The following SGCD variants were observed in gnomAD, a reference collection of about 807,000 sequenced individuals.
The protein encoded by SGCD is sarcoglycan delta.
In SGCD, 18 loss-of-function variants were observed where a neutral mutation model predicts 36.6. The observed-to-expected ratio is 0.49, with a 90% CI of 0.34 to 0.73. The LOEUF (loss-of-function observed/expected upper bound fraction) is 0.73. Among genes scored for constraint, SGCD ranks in the 30% least tolerant of loss-of-function variants. SGCD has a pLI of 0.01. For missense variants in SGCD, 387 were observed against 346.7 expected (o/e 1.12, Z -0.92); for synonymous variants, 133 against 130.6 (o/e 1.02, Z -0.12).
chr5:156,742,453 A>G (rs1481369964), intron 7 of SGCD, among the ~76,000 whole-genome samples: 1 of 152,106 alleles, frequency 6.6e-6, no homozygotes, highest in Non-Finnish European at 1.5e-5. Context: ...AAAATCTACA[A>G]CACTAGAAAT....
chr5:156,600,633 C>T (rs1243674926), intron 6 of SGCD, among the ~76,000 whole-genome samples: 1 of 152,090 alleles, frequency 6.6e-6, no homozygotes, highest in South Asian at 2.1e-4. Flanking sequence ...CTGCAGTAAA[C>T]GTGGAACTTA....
intron 3 of SGCD, among the ~76,000 whole-genome samples, chr5:156,475,230 G>T (rs924850290): frequency 1.3e-5 from 2 of 151,918 alleles, no homozygotes; most frequent in African/African-American, 4.8e-5. Context: ...TCCATTACAG[G>T]GTCTCTCCCA....
At position 156,720,640 on chromosome 5, in the gene SGCD, G is replaced by A. The variant is rs536290286; in HGVS notation, c.576-36941G>A. 3.0e-3 allele frequency among the ~76,000 whole-genome samples: 459 copies of A among 152,290 alleles called. 6 individuals carry two copies. The highest frequency in any genetic ancestry group is 0.01 in the Middle Eastern group (3 of 294). On this transcript the variant is annotated intron_variant, in intron 7 of 8. Transcript: ENST00000337851. ...CTACCACCTGTGGGTTTTGAGCAAA[G>A]GCCTGAAATCAGGGTCATGAAGAAT...
intron 4 of SGCD, among the ~76,000 whole-genome samples, chr5:156,545,116 A>G (rs1449161839): frequency 6.6e-6 from 1 of 152,026 alleles, no homozygotes; most frequent in Non-Finnish European, 1.5e-5. Flanking sequence ...CTAGGTAGTG[A>G]CTTTTTTTGT....
intron 4 of SGCD, among the ~76,000 whole-genome samples, chr5:156,580,201 G>C (rs1166287027): frequency 1.3e-5 from 2 of 152,114 alleles, no homozygotes; most frequent in African/African-American, 2.4e-5. Context: ...ATGAAATTCT[G>C]GGTTGAAAAC....
At chr5:156,101,941 T>TGTGTGA (rs1218348339) in intron 1 of SGCD, among the ~76,000 whole-genome samples, 9 of 138,264 alleles carry the variant, frequency 6.5e-5, no homozygotes, top group African/African-American at 1.1e-4. Flanking sequence ...TGTGTGTGTG[T>TGTGTGA]GAGAGAGAGA....
At position 156,346,743 on chromosome 5, in the gene SGCD, T is replaced by C. The variant is rs375672977; in HGVS notation, c.192+2066T>C. On this transcript the variant is annotated intron_variant, in intron 3 of 8. Coordinates refer to ENST00000337851, the MANE Select transcript of SGCD (RefSeq NM_000337.6). Reference sequence around the variant, plus strand: ...GAGCACATTAGCTTCCATTTCTGAATTAGACTCAATCAATACTTCTCAACT... The same window carrying C: ...GAGCACATTAGCTTCCATTTCTGAACTAGACTCAATCAATACTTCTCAACT... 7.9e-5 allele frequency among the ~76,000 whole-genome samples: 12 copies of C among 152,270 alleles called. 1 individual carries two copies. In the East Asian group the frequency reaches 2.3e-3, roughly 29 times the overall value.
chr5:155,845,789 A>G, the SGCD span, among the ~76,000 whole-genome samples: 2 of 152,130 alleles, frequency 1.3e-5, no homozygotes, highest in African/African-American at 4.8e-5. Flanking sequence ...AAACTAATTC[A>G]TTATCTGTAA....
intron 7 of SGCD, among the ~76,000 whole-genome samples, chr5:156,753,126 A>C (rs1389978994): frequency 6.6e-6 from 1 of 152,190 alleles, no homozygotes; most frequent in Non-Finnish European, 1.5e-5. Context: ...TTACTGAATC[A>C]GTAACTCTAG....
At chr5:156,350,087 A>G (rs1193407230) in intron 3 of SGCD, among the ~76,000 whole-genome samples, 1 of 151,084 alleles carries the variant, frequency 6.6e-6, no homozygotes, top group South Asian at 2.1e-4. Context: ...TCAGAAGAGG[A>G]GAGGGTGGGA....
At chr5:156,417,932 A>G (rs1356729071) in intron 3 of SGCD, among the ~76,000 whole-genome samples, 3 of 152,170 alleles carry the variant, frequency 2.0e-5, no homozygotes, top group African/African-American at 7.2e-5. Flanking sequence ...AAATGTTTCT[A>G]GTTTTCTCCC....
At chr5:156,290,751 CT>C (rs914309611) in intron 3 of SGCD, among the ~76,000 whole-genome samples, 2 of 152,098 alleles carry the variant, frequency 1.3e-5, no homozygotes, top group African/African-American at 2.4e-5. Context: ...TTTACCCTCT[CT>C]TTTTAAAATA....
chr5:156,432,344 G>C (rs76996692), intron 3 of SGCD, among the ~76,000 whole-genome samples: 6 of 152,322 alleles, frequency 3.9e-5, no homozygotes, highest in African/African-American at 1.4e-4. Context: ...TCTTTCTTGC[G>C]AGCAGTATTT....
chr5:156,213,125 A>G (rs1764487758), intron 3 of SGCD, among the ~76,000 whole-genome samples: 1 of 152,044 alleles, frequency 6.6e-6, no homozygotes, highest in Non-Finnish European at 1.5e-5. Context: ...GCTTAAAGTT[A>G]GTAGAAGGAA....
At chr5:156,577,138 C>T (rs1759995471) in intron 4 of SGCD, among the ~76,000 whole-genome samples, 1 of 152,190 alleles carries the variant, frequency 6.6e-6, no homozygotes. Flanking sequence ...CTACATACGG[C>T]TAGCCAGTTT....
At chr5:156,251,191 G>A (rs1004533676) in intron 3 of SGCD, among the ~76,000 whole-genome samples, 3 of 152,212 alleles carry the variant, frequency 2.0e-5, no homozygotes, top group African/African-American at 7.2e-5. Context: ...TTACTTGTAC[G>A]TTTTAGGCAG....
chr5:156,517,358 A>G (rs1757220577), intron 4 of SGCD, among the ~76,000 whole-genome samples: 1 of 152,216 alleles, frequency 6.6e-6, no homozygotes, highest in Non-Finnish European at 1.5e-5. Flanking sequence ...GAATGAACGT[A>G]TGAATGATTG....
At chr5:156,610,677 C>A (rs1040606975) in intron 6 of SGCD, among the ~76,000 whole-genome samples, 1 of 152,236 alleles carries the variant, frequency 6.6e-6, no homozygotes, top group African/African-American at 2.4e-5. Context: ...CCTTGAGCTG[C>A]GGTGGGCTCC....
At chr5:156,254,298 T>C (rs1765657559) in intron 3 of SGCD, among the ~76,000 whole-genome samples, 1 of 152,204 alleles carries the variant, frequency 6.6e-6, no homozygotes, top group South Asian at 2.1e-4. Flanking sequence ...TATGTATACA[T>C]GTGCCATGTT....
Sources: allele counts gnomAD v4.1 joint callset (sites outside exome capture counted in the v4.1 genomes callset), GRCh38; gene constraint gnomAD v4.1.1; transcripts MANE v1.5; gene names NCBI Gene and HGNC (gene_info 2026-07-23, HGNC 2026-07-21).